Variants in APBA2 observed in about 807,000 individuals in gnomAD.
The protein encoded by APBA2 is amyloid beta precursor protein binding family A member 2.
A neutral mutation model predicts 75.0 loss-of-function variants in APBA2; 30 were observed. That is an observed-to-expected ratio of 0.40 (90% confidence interval 0.30 to 0.54). The LOEUF (loss-of-function observed/expected upper bound fraction) is 0.54, where lower values mean the gene tolerates loss of function less well. Among genes scored for constraint, APBA2 ranks in the 20% least tolerant of loss-of-function variants. The pLI, the probability that APBA2 is intolerant of heterozygous loss-of-function variation, is 0.49. For missense variants in APBA2, 801 were observed against 1,016.1 expected, an observed-to-expected ratio of 0.79 and a Z score of 2.88; for synonymous variants, 444 against 409.6, an observed-to-expected ratio of 1.08 and a Z score of -1.01.
intron 8 of APBA2, 85 bp from the exon 9 acceptor site, chr15:29,098,405 T>G: frequency 1.1e-6 from 1 of 893,404 alleles, no homozygotes; most frequent in Non-Finnish European, 1.9e-6. Context: ...ATTAGGGATG[T>G]TGAGCATTTT....
intron 6 of APBA2, among the ~76,000 whole-genome samples, chr15:29,084,781 T>C (rs1416570125): frequency 6.6e-6 from 1 of 152,228 alleles, no homozygotes; most frequent in Non-Finnish European, 1.5e-5. Flanking sequence ...TTGTTGGTGT[T>C]ATTGTGGAAG....
At chr15:28,970,051 T>A (rs1234371290) in intron 2 of APBA2, 3 of 152,252 alleles carry the variant, frequency 2.0e-5, no homozygotes, top group African/African-American at 7.2e-5. Context: ...TTGTCTGTTC[T>A]TGTGTTTTCC....
chr15:28,916,263 C>T (rs1159245993), intron 1 of APBA2, among the ~76,000 whole-genome samples: 1 of 152,158 alleles, frequency 6.6e-6, no homozygotes, highest in African/African-American at 2.4e-5. Context: ...CGCCACCTCT[C>T]CTGATGCCCA....
intron 1 of APBA2, among the ~76,000 whole-genome samples, chr15:28,910,787 G>C (rs2033393266): frequency 6.6e-6 from 1 of 152,174 alleles, no homozygotes; most frequent in African/African-American, 2.4e-5. Flanking sequence ...ATACAGCCGT[G>C]TCAGTTTGAA....
chr15:28,970,879 C>G (rs2037029751), intron 2 of APBA2, among the ~76,000 whole-genome samples: 1 of 152,092 alleles, frequency 6.6e-6, no homozygotes, highest in African/African-American at 2.4e-5. Flanking sequence ...CTTTGCCATG[C>G]ACACACCCGT....
intron 3 of APBA2, among the ~76,000 whole-genome samples, chr15:29,001,471 G>A (rs975994408): frequency 1.3e-5 from 2 of 152,252 alleles, no homozygotes; most frequent in South Asian, 2.1e-4. Context: ...TGGGCCTCCC[G>A]CAGTGCTGGG....
chr15:29,064,382 G>C (rs1404182275), intron 4 of APBA2, among the ~76,000 whole-genome samples: 1 of 152,222 alleles, frequency 6.6e-6, no homozygotes, highest in Non-Finnish European at 1.5e-5. Flanking sequence ...CTGCCACGTG[G>C]TTGGCACTGG....
At chr15:28,976,434 G>A (rs963811209) in intron 2 of APBA2, among the ~76,000 whole-genome samples, 1 of 152,214 alleles carries the variant, frequency 6.6e-6, no homozygotes, top group African/African-American at 2.4e-5. Flanking sequence ...ATCTCTAATG[G>A]TCCACCATGA....
At chr15:28,948,648 G>A (rs543364675) in intron 2 of APBA2, among the ~76,000 whole-genome samples, 1 of 152,300 alleles carries the variant, frequency 6.6e-6, no homozygotes, top group East Asian at 1.9e-4. Flanking sequence ...TGTTCTGTCT[G>A]TGTCAGTGTT....
chr15:29,026,900 G>A (rs1476821974), intron 3 of APBA2, among the ~76,000 whole-genome samples: 3 of 152,132 alleles, frequency 2.0e-5, no homozygotes, highest in African/African-American at 7.2e-5. Context: ...CAGCCTGGGC[G>A]ACAGAGCAAG....
intron 2 of APBA2, among the ~76,000 whole-genome samples, chr15:28,950,600 C>G (rs1253529255): frequency 1.3e-5 from 2 of 149,810 alleles, no homozygotes; most frequent in Non-Finnish European, 3.0e-5. Flanking sequence ...GCACTCCACC[C>G]TAGGCGACAG....
At chr15:28,927,740 T>C (rs2034349802) in intron 2 of APBA2, among the ~76,000 whole-genome samples, 1 of 151,622 alleles carries the variant, frequency 6.6e-6, no homozygotes, top group South Asian at 2.1e-4. Flanking sequence ...CCACCATTCT[T>C]TGTGTGCATG....
chr15:29,103,322 T>C (rs946146947), intron 10 of APBA2, among the ~76,000 whole-genome samples: 2 of 152,152 alleles, frequency 1.3e-5, no homozygotes, highest in Admixed American at 1.3e-4. Flanking sequence ...CTTCCCCACC[T>C]CTCCAGCGCC....
chr15:29,086,162 A>G (rs1033171399), intron 6 of APBA2, among the ~76,000 whole-genome samples: 7 of 152,208 alleles, frequency 4.6e-5, no homozygotes, highest in Non-Finnish European at 8.8e-5. Context: ...CAGTTGCCCC[A>G]TCCAGAGGCC....
intron 14 of APBA2, among the ~76,000 whole-genome samples, chr15:29,115,427 C>T (rs1351896352): frequency 6.6e-6 from 1 of 152,052 alleles, no homozygotes; most frequent in Non-Finnish European, 1.5e-5. Context: ...GCCAGGCGGA[C>T]ACCAGCCTCC....
At chr15:28,906,861 T>A (rs2033159459) in intron 1 of APBA2, among the ~76,000 whole-genome samples, 1 of 152,194 alleles carries the variant, frequency 6.6e-6, no homozygotes, top group South Asian at 2.1e-4. Flanking sequence ...TTGTTGTTGA[T>A]TTATAGGTGT....
intron 1 of APBA2, among the ~76,000 whole-genome samples, chr15:28,895,138 T>C (rs150110606): frequency 0.038 from 5,861 of 152,292 alleles, 354 homozygotes; most frequent in African/African-American, 0.13. Flanking sequence ...CATTATTAAC[T>C]GGCTCACCCA....
intron 2 of APBA2, among the ~76,000 whole-genome samples, chr15:28,994,197 C>T (rs1455598019): frequency 6.6e-6 from 1 of 152,182 alleles, no homozygotes; most frequent in Non-Finnish European, 1.5e-5. Context: ...ATTCACCTTC[C>T]CAGCCACCTT....
At chr15:29,062,649 T>TTTCTAAAACATTG (rs1241369897) in intron 4 of APBA2, among the ~76,000 whole-genome samples, 2 of 151,918 alleles carry the variant, frequency 1.3e-5, no homozygotes, top group East Asian at 3.9e-4. Context: ...AAAGCCGGGG[T>TTTCTAAAACATTG]TTCTAAAACA....
Sources: gnomAD v4.1 joint callset for allele counts (sites outside exome capture counted in the v4.1 genomes callset) on GRCh38, gnomAD v4.1.1 for gene constraint, MANE v1.5 for transcripts, NCBI Gene and HGNC (gene_info 2026-07-23, HGNC 2026-07-21) for gene names.